Variants in PRKCE observed in about 807,000 individuals in gnomAD.
PRKCE encodes protein kinase C epsilon type.
Under a neutral mutation model 85.4 loss-of-function variants are expected in PRKCE, and 16 were observed. The observed-to-expected ratio is 0.19, with a 90% CI of 0.13 to 0.28. The LOEUF is 0.28. Among genes scored for constraint, PRKCE ranks in the 10% least tolerant of loss-of-function variants. The pLI, the probability that PRKCE is intolerant of heterozygous loss-of-function variation, is 1.00. For missense variants in PRKCE, 573 were observed against 975.2 expected (o/e 0.59, Z 5.49); for synonymous variants, 388 against 371.5 (o/e 1.04, Z -0.51).
At chr2:46,079,834 C>T (rs183089460) in intron 10 of PRKCE, among the ~76,000 whole-genome samples, 59 of 152,328 alleles carry the variant, frequency 3.9e-4, no homozygotes, top group Non-Finnish European at 7.2e-4. Context: ...AAGATTAACG[C>T]TCTGGGAAAA....
intron 2 of PRKCE, among the ~76,000 whole-genome samples, chr2:45,867,942 C>A (rs1246700324): frequency 6.6e-6 from 1 of 152,126 alleles, no homozygotes; most frequent in Non-Finnish European, 1.5e-5. Flanking sequence ...CTGAACGTCT[C>A]ACTAGTTGGC....
intron 1 of PRKCE, among the ~76,000 whole-genome samples, chr2:45,815,991 C>A (rs761122360): frequency 6.6e-6 from 1 of 152,178 alleles, no homozygotes; most frequent in Non-Finnish European, 1.5e-5. Flanking sequence ...GTTGATGGTA[C>A]CTTTATGGCG....
chr2:45,653,370 G>GTTTTTTTTTTTTTTT lies in PRKCE; in HGVS notation c.348+933_348+947dup, dbSNP rs34888247. Among the ~76,000 whole-genome samples, 82 of 61,484 alleles carry GTTTTTTTTTTTTTTT rather than the reference G, an allele frequency of 1.3e-3. 3 individuals carry two copies. The highest frequency in any genetic ancestry group is 4.6e-3 in the South Asian group (4 of 876). 40.3% of individuals were successfully genotyped at this position (61,484 alleles called of 152,430 possible). A position where few individuals can be genotyped will look rare whatever the true frequency, so the allele number is the denominator to read the frequency against. On this transcript the variant is annotated intron_variant, in intron 1 of 14. Coordinates refer to ENST00000306156, the MANE Select transcript of PRKCE (RefSeq NM_005400.3). ...TGCTTTTTGTGTTTGTTTTTGGGTT[G>GTTTTTTTTTTTTTTT]TTTTTTTTTTTTTTTTTTTTTTTTT...
Position 46,187,614 on chromosome 2 carries a change from T to C in PRKCE, c.*2733T>C, listed in dbSNP as rs1462110963. The stretch of plus-strand genomic sequence containing the variant: ...AAAAAAAACAAAGCCAAAAAATATA[T>C]GAAGGATAGCTGTTCTTCTGTGTTC... On this transcript the variant is annotated 3_prime_UTR_variant, in exon 15 of 15. Transcript: ENST00000306156. The C allele has an allele frequency of 6.6e-6, 1 of 152,054 alleles. No homozygotes were observed. Among genetic ancestry groups the C allele is most frequent in the Admixed American group, 6.6e-5 (1 of 15,228 alleles). The allele number at this position is 152,054 out of a possible 1,614,324, so 9.4% of individuals were successfully genotyped here.
At chr2:45,859,063 A>C in intron 2 of PRKCE, among the ~76,000 whole-genome samples, 1 of 150,766 alleles carries the variant, frequency 6.6e-6, no homozygotes, top group African/African-American at 2.4e-5. Flanking sequence ...TAAATAAATA[A>C]ATAAATAAAT....
chr2:45,675,824 A>T (rs1302586117), intron 1 of PRKCE: 1 of 152,254 alleles, frequency 6.6e-6, no homozygotes, highest in Admixed American at 6.5e-5. Flanking sequence ...GATGGGCCTG[A>T]CTTTGGTGAG....
chr2:45,903,886 T>TG lies in PRKCE; in HGVS notation c.412+60823_412+60824insG, dbSNP rs1353492688. ...TGAGAGCTTGTAGCCTGGCAGTTTT[T>TG]TTTTGTTTGTTTGTTTGTTTGTTTG... On this transcript the variant is annotated intron_variant, in intron 2 of 14. Transcript: ENST00000306156. Among the ~76,000 whole-genome samples, 78 of 103,746 alleles carry TG rather than the reference T, an allele frequency of 7.5e-4. 3 individuals carry two copies. The highest frequency in any genetic ancestry group is 4.5e-3 in the Middle Eastern group (1 of 224). The allele number at this position is 103,746 out of a possible 152,430, so 68.1% of individuals were successfully genotyped here. A position where few individuals can be genotyped will look rare whatever the true frequency, so the allele number is the denominator to read the frequency against.
intron 1 of PRKCE, among the ~76,000 whole-genome samples, chr2:45,663,740 G>A (rs912907139): frequency 2.6e-5 from 4 of 151,848 alleles, no homozygotes; most frequent in Non-Finnish European, 4.4e-5. Flanking sequence ...CCGATGTTAC[G>A]CCACTGCGCT....
chr2:46,153,437 C>G (rs1047801604), intron 13 of PRKCE, among the ~76,000 whole-genome samples: 3 of 152,062 alleles, frequency 2.0e-5, no homozygotes, highest in African/African-American at 7.3e-5. Context: ...GTATATTGTA[C>G]TAAATGGTAA....
chr2:45,959,353 T>A (rs1701226568), intron 2 of PRKCE, among the ~76,000 whole-genome samples: 1 of 152,234 alleles, frequency 6.6e-6, no homozygotes, highest in Admixed American at 6.5e-5. Flanking sequence ...TATAATGTCA[T>A]GTCTTCATTT....
intron 1 of PRKCE, among the ~76,000 whole-genome samples, chr2:45,704,348 C>A (rs1678931220): frequency 6.6e-6 from 1 of 152,050 alleles, no homozygotes; most frequent in South Asian, 2.1e-4. Context: ...CTTCTGTGTC[C>A]CTCCCTCTAT....
intron 1 of PRKCE, among the ~76,000 whole-genome samples, chr2:45,733,228 C>T (rs1423392723): frequency 1.3e-5 from 2 of 152,178 alleles, no homozygotes; most frequent in Non-Finnish European, 2.9e-5. Flanking sequence ...ACTTGCTTCC[C>T]ACCTTTCCCC....
chr2:46,042,727 G>A (rs926263292), intron 10 of PRKCE, among the ~76,000 whole-genome samples: 1 of 152,192 alleles, frequency 6.6e-6, no homozygotes, highest in African/African-American at 2.4e-5. Context: ...CACCAGAGGC[G>A]AAGGGTGGGT....
At chr2:45,976,241 C>CATGT in intron 2 of PRKCE, among the ~76,000 whole-genome samples, 188 bp from the exon 3 acceptor site, 1 of 152,326 alleles carries the variant, frequency 6.6e-6, no homozygotes, top group South Asian at 2.1e-4. Context: ...TTCCACCCTA[C>CATGT]ATGTGCTCGC....
chr2:45,983,246 C>T (rs993295718), intron 5 of PRKCE, among the ~76,000 whole-genome samples: 4 of 152,194 alleles, frequency 2.6e-5, no homozygotes, highest in Admixed American at 6.5e-5. Flanking sequence ...GCGTTCAAGT[C>T]GAGCTCCCTT....
chr2:46,122,473 C>G (rs1292115468), intron 11 of PRKCE, among the ~76,000 whole-genome samples: 1 of 152,108 alleles, frequency 6.6e-6, no homozygotes, highest in Non-Finnish European at 1.5e-5. Flanking sequence ...AGTGATCCAT[C>G]CACCTTGGCC....
intron 2 of PRKCE, among the ~76,000 whole-genome samples, chr2:45,904,816 G>C (rs1285733711): frequency 6.6e-6 from 1 of 152,294 alleles, no homozygotes; most frequent in East Asian, 1.9e-4. Context: ...CTCCAGCCCT[G>C]CATGGGACAT....
At position 46,139,535 on chromosome 2, in the gene PRKCE, G is replaced by A. The variant is rs1409580543; in HGVS notation, c.1593-5558G>A. Among the ~76,000 whole-genome samples the A allele has an allele frequency of 6.6e-6, 1 of 152,036 alleles. No individual in the cohort carries two copies. The highest frequency in any genetic ancestry group is 2.4e-5 in the African/African-American group (1 of 41,378). On this transcript the variant is annotated intron_variant, in intron 11 of 14. Transcript: ENST00000306156. This position sits in a 1 kb window ranked among gnomAD's most constrained non-coding sequence, Gnocchi z 5.2. ...ATACAAGTTTCTTTCTTTTTCATAT[G>A]AAAGTTATCTGAAGGCTGATGGTCC...
At chr2:45,791,713 T>G (rs1250166649) in intron 1 of PRKCE, among the ~76,000 whole-genome samples, 1 of 152,228 alleles carries the variant, frequency 6.6e-6, no homozygotes, top group Non-Finnish European at 1.5e-5. Context: ...CAGCCTTTCC[T>G]TGATGCTGGG....
Sources: allele counts gnomAD v4.1 joint callset (sites outside exome capture counted in the v4.1 genomes callset), GRCh38; gene constraint gnomAD v4.1.1; non-coding constraint Gnocchi (gnomAD v3.1); transcripts MANE v1.5; gene names NCBI Gene and HGNC (gene_info 2026-07-23, HGNC 2026-07-21).